PPP1CB: variants seen among roughly 807,000 people sequenced by gnomAD.
PPP1CB encodes protein phosphatase 1 catalytic subunit beta, also known as serine/threonine-protein phosphatase PP1-beta catalytic subunit.
In PPP1CB, 2 loss-of-function variants were observed where a neutral mutation model predicts 43.7. That is an observed-to-expected ratio of 0.05 (90% CI 0.02 to 0.14). The LOEUF is 0.14. Among genes scored for constraint, PPP1CB ranks in the 10% least tolerant of loss-of-function variants. The pLI, the probability that PPP1CB is intolerant of heterozygous loss-of-function variation, is 1.00. For missense variants in PPP1CB, 84 were observed against 398.0 expected, an observed-to-expected ratio of 0.21 and a Z score of 6.71; for synonymous variants, 136 against 135.6, an observed-to-expected ratio of 1.00 and a Z score of -0.02.
intron 6 of PPP1CB, among the ~76,000 whole-genome samples, 195 bp from the exon 7 acceptor site, chr2:28,793,668 T>C (rs1007329460): frequency 6.6e-6 from 1 of 152,156 alleles, no homozygotes; most frequent in Admixed American, 6.5e-5. Flanking sequence ...CTAAATTGTT[T>C]CCATTATAGA....
intron 1 of PPP1CB, among the ~76,000 whole-genome samples, chr2:28,765,283 G>T (rs1471189532): frequency 2.6e-5 from 4 of 152,184 alleles, no homozygotes; most frequent in African/African-American, 4.8e-5. Flanking sequence ...GTCATCTCTT[G>T]ATGCTGATCT....
At chr2:28,788,386 G>A (rs1219274941) in intron 5 of PPP1CB, among the ~76,000 whole-genome samples, 1 of 152,162 alleles carries the variant, frequency 6.6e-6, no homozygotes, top group Non-Finnish European at 1.5e-5. Flanking sequence ...TCCATGTATT[G>A]TTGTGCTGTA....
intron 6 of PPP1CB, 135 bp downstream of exon 6, chr2:28,788,944 G>GC: frequency 1.1e-6 from 1 of 887,252 alleles, no homozygotes; most frequent in East Asian, 2.8e-5. Flanking sequence ...TGCAACCTGT[G>GC]CCTCCCGGGT....
In PPP1CB at chr2:28,752,031, C is replaced by A; in HGVS notation, c.-94C>A. 1 of 1,230,918 alleles carries A rather than the reference C, an allele frequency of 8.1e-7. No homozygotes were observed. The highest frequency in any genetic ancestry group is 1.2e-6 in the Non-Finnish European group (1 of 856,798). The allele number at this position is 1,230,918 out of a possible 1,614,324, so 76.2% of individuals were successfully genotyped here. On this transcript the variant is annotated 5_prime_UTR_variant, in exon 1 of 8. Transcript: ENST00000395366. ...GAGCCGGGGTCGAAACGCCGCGTGA[C>A]TTGTAGGTGAGAGAACGCCGAGCCG... is the stretch of plus-strand genomic sequence containing the variant.
chr2:28,753,945 C>T (rs1424958170), intron 1 of PPP1CB, among the ~76,000 whole-genome samples: 1 of 152,130 alleles, frequency 6.6e-6, no homozygotes, highest in East Asian at 1.9e-4. Context: ...ACCATCTTGG[C>T]CTGGCTGGTC....
chr2:28,758,761 A>G (rs919945340), intron 1 of PPP1CB, among the ~76,000 whole-genome samples: 3 of 152,234 alleles, frequency 2.0e-5, no homozygotes, highest in Admixed American at 2.0e-4. Context: ...CTTCGTGAAC[A>G]TCACTGGCCT....
intron 1 of PPP1CB, among the ~76,000 whole-genome samples, chr2:28,769,503 A>G (rs1666856067): frequency 6.6e-6 from 1 of 152,232 alleles, no homozygotes; most frequent in South Asian, 2.1e-4. Flanking sequence ...AAATGAAGAC[A>G]AACTAAAGCT....
At chr2:28,764,723 C>A (rs566007707) in intron 1 of PPP1CB, among the ~76,000 whole-genome samples, 1 of 151,656 alleles carries the variant, frequency 6.6e-6, no homozygotes, top group South Asian at 2.1e-4. Flanking sequence ...GTCAGGAGTT[C>A]GAGCCTGGGC....
At chr2:28,765,214 AT>A (rs1666752070) in intron 1 of PPP1CB, among the ~76,000 whole-genome samples, 1 of 152,208 alleles carries the variant, frequency 6.6e-6, no homozygotes, top group Non-Finnish European at 1.5e-5. Context: ...GAGGATACAC[AT>A]TTTGCTTAAT....
At chr2:28,785,358 G>GCCA (rs1667244628) in intron 5 of PPP1CB, among the ~76,000 whole-genome samples, 1 of 151,986 alleles carries the variant, frequency 6.6e-6, no homozygotes, top group Non-Finnish European at 1.5e-5. Context: ...ACAGGCGTGA[G>GCCA]CCACCACACC....
chr2:28,757,879 A>G (rs1229881879), intron 1 of PPP1CB, among the ~76,000 whole-genome samples: 1 of 151,686 alleles, frequency 6.6e-6, no homozygotes, highest in African/African-American at 2.4e-5. Flanking sequence ...ATTCGTTGGG[A>G]TTTAATACAT....
intron 1 of PPP1CB, among the ~76,000 whole-genome samples, chr2:28,767,707 A>G (rs1203202944): frequency 6.6e-6 from 1 of 152,174 alleles, no homozygotes; most frequent in African/African-American, 2.4e-5. Flanking sequence ...GCTTCATTAA[A>G]CTTTATGGCC....
chr2:28,753,279 T>C (rs143637742), intron 1 of PPP1CB, among the ~76,000 whole-genome samples: 35 of 152,298 alleles, frequency 2.3e-4, no homozygotes, highest in African/African-American at 8.4e-4. Flanking sequence ...CTTAAGATAA[T>C]TGCTAGAGTG....
At chr2:28,752,823 C>A (rs1170750933) in intron 1 of PPP1CB, among the ~76,000 whole-genome samples, 1 of 152,140 alleles carries the variant, frequency 6.6e-6, no homozygotes, top group Non-Finnish European at 1.5e-5. Flanking sequence ...TGAAGATGCA[C>A]CTAAGAAATG....
At chr2:28,793,731 A>G (rs1667435856) in intron 6 of PPP1CB, 132 bp from the exon 7 acceptor site, 3 of 908,286 alleles carry the variant, frequency 3.3e-6, no homozygotes, top group East Asian at 2.7e-5. Context: ...AAAAATCACA[A>G]CTTCCAAAAC....
chr2:28,797,077 T>G (rs1361087636), intron 7 of PPP1CB, among the ~76,000 whole-genome samples: 1 of 152,162 alleles, frequency 6.6e-6, no homozygotes, highest in Non-Finnish European at 1.5e-5. Context: ...TGAATCACAT[T>G]TATTGATTTG....
At chr2:28,788,845 T>C (rs1344279351) in intron 6 of PPP1CB, 36 bp downstream of exon 6, 5 of 1,550,278 alleles carry the variant, frequency 3.2e-6, no homozygotes, top group African/African-American at 1.4e-5. Flanking sequence ...TTTTCTTTTT[T>C]CTTTCTTTTT....
In PPP1CB at chr2:28,774,728, AT is replaced by A. The variant is rs569309675; in HGVS notation, c.53-2113del. Among the ~76,000 whole-genome samples, 18 of 149,614 alleles carry A rather than the reference AT, an allele frequency of 1.2e-4. No individual in the cohort carries two copies. The East Asian group carries it at 3.1e-3, about 26-fold the overall frequency. ...GGCATGAGCCACCGCACCTGGTCAC[AT>A]TTTTTTTTTCTTAAACTAAAATCTT... On this transcript the variant is annotated intron_variant, in intron 1 of 7. Coordinates refer to ENST00000395366, the MANE Select transcript of PPP1CB (RefSeq NM_002709.3).
chr2:28,767,466 C>CT (rs914528547), intron 1 of PPP1CB, among the ~76,000 whole-genome samples: 26 of 152,192 alleles, frequency 1.7e-4, no homozygotes, highest in African/African-American at 5.8e-4. Flanking sequence ...TCAAAGTTCA[C>CT]TTTTTTTGCT....
Sources: allele counts gnomAD v4.1 joint callset (sites outside exome capture counted in the v4.1 genomes callset), GRCh38; gene constraint gnomAD v4.1.1; transcripts MANE v1.5; gene names NCBI Gene and HGNC (gene_info 2026-07-23, HGNC 2026-07-21).